ZHX2: variants seen among roughly 807,000 people sequenced by gnomAD.
ZHX2 encodes the protein zinc fingers and homeoboxes 2.
ZHX2 carries 6 observed loss-of-function variants against 21.9 expected under a neutral mutation model. The ratio of observed to expected loss-of-function variants is 0.27; its 90% CI spans 0.15 to 0.54. The LOEUF (loss-of-function observed/expected upper bound fraction) is 0.54. Among genes scored for constraint, ZHX2 ranks in the 20% least tolerant of loss-of-function variants. The pLI, the probability that ZHX2 is intolerant of heterozygous loss-of-function variation, is 0.95. For missense variants in ZHX2, 908 were observed against 1,090.7 expected (o/e 0.83, Z 2.36); for synonymous variants, 434 against 437.1 (o/e 0.99, Z 0.09).
chr8:122,907,709 C>T (rs558325469), intron 2 of ZHX2, among the ~76,000 whole-genome samples: 2 of 152,318 alleles, frequency 1.3e-5, no homozygotes, highest in South Asian at 4.1e-4. Flanking sequence ...TGAGTTAGGT[C>T]AGAGGATGTT....
At chr8:122,807,489 C>A (rs1017654992) in intron 1 of ZHX2, among the ~76,000 whole-genome samples, 1 of 152,154 alleles carries the variant, frequency 6.6e-6, no homozygotes, top group Non-Finnish European at 1.5e-5. Flanking sequence ...AAGTGTTAGG[C>A]ACTTGGAAAT....
At chr8:122,888,926 C>T (rs887652432) in intron 2 of ZHX2, among the ~76,000 whole-genome samples, 3 of 152,190 alleles carry the variant, frequency 2.0e-5, no homozygotes, top group African/African-American at 7.2e-5. Context: ...ATAGTAACCA[C>T]TCTTCTACTC....
At chr8:122,800,932 A>G (rs962253576) in intron 1 of ZHX2, among the ~76,000 whole-genome samples, 4 of 152,256 alleles carry the variant, frequency 2.6e-5, no homozygotes, top group African/African-American at 7.2e-5. Context: ...ATACAAACAC[A>G]CAGAGCCAAA....
chr8:122,805,097 A>G lies in ZHX2; in HGVS notation c.-283+23151A>G, dbSNP rs377684584. ...CTTAGTTTGGGTCCCCCAGATGCACACCCCAAGGCAAAGCTTCAAGTGCAA... is the reference window on the plus strand; with the variant it reads ...CTTAGTTTGGGTCCCCCAGATGCACGCCCCAAGGCAAAGCTTCAAGTGCAA... On this transcript the variant is annotated intron_variant, in intron 1 of 3. Transcript: ENST00000314393. Among the ~76,000 whole-genome samples the G allele has an allele frequency of 2.6e-5, 4 of 150,958 alleles. No homozygotes were observed. The East Asian group carries it at 7.9e-4, about 30-fold the overall frequency.
chr8:122,964,306 A>C (rs1272575022), intron 3 of ZHX2, among the ~76,000 whole-genome samples: 1 of 152,080 alleles, frequency 6.6e-6, no homozygotes, highest in African/African-American at 2.4e-5. Context: ...TTATTACCTC[A>C]AGGTGTGTCC....
intron 2 of ZHX2, among the ~76,000 whole-genome samples, chr8:122,889,103 G>T (rs188591513): frequency 6.6e-5 from 10 of 152,166 alleles, no homozygotes; most frequent in African/African-American, 2.4e-4. Context: ...TAGTATTTTT[G>T]ATACACATTT....
At chr8:122,813,495 G>A (rs1027345184) in intron 1 of ZHX2, among the ~76,000 whole-genome samples, 2 of 152,182 alleles carry the variant, frequency 1.3e-5, no homozygotes, top group African/African-American at 4.8e-5. Context: ...AAGTCGCCAA[G>A]TAGATGCCAT....
At chr8:122,838,808 C>T (rs980737732) in intron 1 of ZHX2, among the ~76,000 whole-genome samples, 2 of 152,038 alleles carry the variant, frequency 1.3e-5, no homozygotes, top group African/African-American at 2.4e-5. Context: ...AACTCCTGAC[C>T]GCATGATCTG....
At chr8:122,900,276 C>T (rs758092781) in intron 2 of ZHX2, among the ~76,000 whole-genome samples, 6 of 152,168 alleles carry the variant, frequency 3.9e-5, no homozygotes, top group Non-Finnish European at 5.9e-5. Context: ...AGGCTACTTA[C>T]ACTCATGGTG....
intron 2 of ZHX2, among the ~76,000 whole-genome samples, chr8:122,946,022 G>C (rs915647508): frequency 2.0e-5 from 3 of 152,174 alleles, no homozygotes; most frequent in African/African-American, 4.8e-5. Context: ...TGAGACACTG[G>C]CCCAGGGCAA....
chr8:122,857,049 G>T (rs1361130836), intron 1 of ZHX2, among the ~76,000 whole-genome samples: 1 of 152,120 alleles, frequency 6.6e-6, no homozygotes, highest in Non-Finnish European at 1.5e-5. Flanking sequence ...GCCCACACAT[G>T]CCCTTCGCCG....
intron 3 of ZHX2, among the ~76,000 whole-genome samples, chr8:122,955,248 CT>C (rs1385003932): frequency 8.8e-6 from 1 of 113,552 alleles, no homozygotes; most frequent in Non-Finnish European, 1.8e-5. Context: ...AGGGGGAGGG[CT>C]GGTGGGAGGG....
chr8:122,782,651 G>C lies in ZHX2; in HGVS notation c.-283+705G>C, dbSNP rs1158854362. ...CAGCGGGCGCGCAGCGCGGGCGGCAGCCGAGCTACCTGGCGGGGGCAGGGC... is the reference window on the plus strand; with the variant it reads ...CAGCGGGCGCGCAGCGCGGGCGGCACCCGAGCTACCTGGCGGGGGCAGGGC... On this transcript the variant is annotated intron_variant, in intron 1 of 3. Transcript: ENST00000314393. This position sits in a 1 kb window ranked among gnomAD's most constrained non-coding sequence, Gnocchi z 5.3. Among the ~76,000 whole-genome samples, 1 of 152,134 alleles carries C rather than the reference G, an allele frequency of 6.6e-6. No homozygotes were observed. Among genetic ancestry groups the C allele is most frequent in the Non-Finnish European group, 1.5e-5 (1 of 67,996 alleles).
chr8:122,926,267 G>T (rs544576287), intron 2 of ZHX2, among the ~76,000 whole-genome samples: 1 of 152,172 alleles, frequency 6.6e-6, no homozygotes, highest in Non-Finnish European at 1.5e-5. Flanking sequence ...TGTTGATGCC[G>T]GTGCGGAACA....
At chr8:122,900,632 C>T (rs567016872) in intron 2 of ZHX2, among the ~76,000 whole-genome samples, 4 of 152,296 alleles carry the variant, frequency 2.6e-5, no homozygotes, top group Admixed American at 6.5e-5. Context: ...ATTCAATATA[C>T]GTTGGCCCTT....
intron 2 of ZHX2, among the ~76,000 whole-genome samples, chr8:122,885,154 A>C (rs990744060): frequency 6.6e-6 from 1 of 152,226 alleles, no homozygotes; most frequent in African/African-American, 2.4e-5. Flanking sequence ...TGAGTAAACC[A>C]GGTCGACTGG....
intron 3 of ZHX2, among the ~76,000 whole-genome samples, chr8:122,961,777 T>C (rs1389232266): frequency 2.6e-5 from 4 of 152,040 alleles, no homozygotes; most frequent in African/African-American, 9.7e-5. Context: ...CCTTGACACA[T>C]GGGGATTATG....
At chr8:122,875,448 G>C (rs10956102) in intron 2 of ZHX2, among the ~76,000 whole-genome samples, 71,423 of 151,764 alleles carry the variant, frequency 0.47, 17,944 homozygotes, top group African/African-American at 0.66. Flanking sequence ...ACAGGCAGTA[G>C]TGTCAACCAC....
chr8:122,940,705 G>A (rs1421255890), intron 2 of ZHX2, among the ~76,000 whole-genome samples: 1 of 152,192 alleles, frequency 6.6e-6, no homozygotes, highest in Non-Finnish European at 1.5e-5. Context: ...ACTCCCAGAG[G>A]GGCAAGGCCA....
Sources: gnomAD v4.1 joint callset for allele counts (sites outside exome capture counted in the v4.1 genomes callset) on GRCh38, gnomAD v4.1.1 for gene constraint, Gnocchi (gnomAD v3.1) non-coding constraint, MANE v1.5 for transcripts, NCBI Gene and HGNC (gene_info 2026-07-23, HGNC 2026-07-21) for gene names.